The following CACNA2D1 variants were observed in gnomAD, a reference collection of about 807,000 sequenced individuals.
The protein encoded by CACNA2D1 is voltage-dependent calcium channel subunit alpha-2/delta-1.
A neutral mutation model predicts 171.5 loss-of-function variants in CACNA2D1; 53 were observed. The ratio of observed to expected loss-of-function variants is 0.31; its 90% CI spans 0.25 to 0.39. The LOEUF (loss-of-function observed/expected upper bound fraction) is 0.39. Among genes scored for constraint, CACNA2D1 ranks in the 10% least tolerant of loss-of-function variants. CACNA2D1 has a pLI of 1.00. For synonymous variants in CACNA2D1, 442 were observed against 443.1 expected (o/e 1.00, Z 0.03); for missense variants, 903 against 1,299.8 (o/e 0.69, Z 4.69).
At chr7:82,336,306 T>C (rs1817993773) in intron 2 of CACNA2D1, among the ~76,000 whole-genome samples, 1 of 152,208 alleles carries the variant, frequency 6.6e-6, no homozygotes, top group Non-Finnish European at 1.5e-5. Context: ...TGGCTTCAAA[T>C]GGACACAGAT....
At chr7:82,323,219 C>T (rs1816210445) in intron 3 of CACNA2D1, among the ~76,000 whole-genome samples, 2 of 151,766 alleles carry the variant, frequency 1.3e-5, no homozygotes, top group East Asian at 1.9e-4. Context: ...TTAACTAGCA[C>T]ATTCAGATCA....
At chr7:81,998,065 T>A (rs188081717) in intron 18 of CACNA2D1, among the ~76,000 whole-genome samples, 17 of 152,088 alleles carry the variant, frequency 1.1e-4, no homozygotes, top group Admixed American at 1.1e-3. Context: ...TTACCTCATA[T>A]GATATTATTT....
chr7:82,060,863 A>G (rs952458692), intron 9 of CACNA2D1, among the ~76,000 whole-genome samples: 15 of 152,142 alleles, frequency 9.9e-5, no homozygotes, highest in Non-Finnish European at 7.4e-5. Context: ...AGGAGTAGAG[A>G]GATTAATAGA....
chr7:82,076,014 A>T (rs2237507), intron 7 of CACNA2D1, among the ~76,000 whole-genome samples: 57,188 of 151,904 alleles, frequency 0.38, 11,207 homozygotes, highest in Non-Finnish European at 0.43. Context: ...CATATTACCA[A>T]CCTGTTTACC....
In CACNA2D1 at chr7:82,277,750, AT is replaced by A. The variant is rs374936775; in HGVS notation, c.294+57384del. ...TTTGATTTTTTAATTTTTTACTTTT[AT>A]TTTTTTTTTTTTGAGATGGAGTCTC... On this transcript the variant is annotated intron_variant, in intron 3 of 38. Coordinates refer to ENST00000356860, the MANE Select transcript of CACNA2D1 (RefSeq NM_000722.4). Among the ~76,000 whole-genome samples the A allele has an allele frequency of 9.3e-4, 131 of 140,488 alleles. 1 individual carries two copies. Among genetic ancestry groups the A allele is most frequent in the Middle Eastern group, 7.5e-3 (2 of 266 alleles). The allele number at this position is 140,488 out of a possible 152,430, so 92.2% of individuals were successfully genotyped here.
intron 30 of CACNA2D1, 149 bp from the exon 31 acceptor site, chr7:81,967,356 T>C: frequency 1.4e-6 from 1 of 721,178 alleles, no homozygotes; most frequent in Non-Finnish European, 2.4e-6. Context: ...AAAAGTTTTA[T>C]CTTATTAGAC....
In CACNA2D1 at chr7:81,974,462, G is replaced by A. The variant is rs1013044639; in HGVS notation, c.2046C>T (p.Asn682=). ...GAATTAATGCATACTTACATGATGGGTTGTTTGGAGTTTTTCTATCAATAA... is the reference window on the plus strand; with the variant it reads ...GAATTAATGCATACTTACATGATGGATTGTTTGGAGTTTTTCTATCAATAA... The part of the protein sequence containing the change: ...NEFIDRKTPN[N]PSCNADLINR... Residue 682 remains asparagine, a synonymous_variant, in exon 25 of 39, where the codon AAC becomes AAT. Coordinates refer to ENST00000356860, the MANE Select transcript of CACNA2D1 (RefSeq NM_000722.4). 5 of 1,502,046 alleles carry A rather than the reference G, an allele frequency of 3.3e-6. No homozygotes were observed. The highest frequency in any genetic ancestry group is 4.6e-6 in the Non-Finnish European group (5 of 1,080,126). The allele number at this position is 1,502,046 out of a possible 1,614,324, so 93.0% of individuals were successfully genotyped here.
At chr7:81,974,389 C>T (rs912321522) in intron 25 of CACNA2D1, 66 bp downstream of exon 25, 3 of 786,102 alleles carry the variant, frequency 3.8e-6, no homozygotes, top group Non-Finnish European at 6.7e-6. Context: ...ATTATCGTAT[C>T]CTATGATATA....
chr7:82,309,145 C>G (rs1246198787), intron 3 of CACNA2D1, among the ~76,000 whole-genome samples: 1 of 152,114 alleles, frequency 6.6e-6, no homozygotes, highest in Non-Finnish European at 1.5e-5. Flanking sequence ...GTGGCTCATG[C>G]CTGTAATACC....
chr7:82,207,643 C>T (rs573564189), intron 3 of CACNA2D1, among the ~76,000 whole-genome samples: 3 of 152,192 alleles, frequency 2.0e-5, no homozygotes, highest in African/African-American at 4.8e-5. Context: ...CCCTGTGCTA[C>T]GGCCTTAATG....
chr7:82,291,232 A>G (rs563938383), intron 3 of CACNA2D1, among the ~76,000 whole-genome samples: 1 of 141,630 alleles, frequency 7.1e-6, no homozygotes, highest in East Asian at 2.0e-4. Context: ...TATATTTAAA[A>G]TATTCTATAT....
chr7:82,150,257 T>TAAAAAAAAAAAAAAAA (rs565121488), intron 4 of CACNA2D1, among the ~76,000 whole-genome samples: 5 of 92,846 alleles, frequency 5.4e-5, no homozygotes, highest in African/African-American at 1.5e-4. Context: ...TAGATCAAAT[T>TAAAAAAAAAAAAAAAA]AAAAAAAAAA....
At chr7:82,261,949 T>C (rs1022370513) in intron 3 of CACNA2D1, among the ~76,000 whole-genome samples, 1 of 152,242 alleles carries the variant, frequency 6.6e-6, no homozygotes, top group African/African-American at 2.4e-5. Context: ...GAATGTTAAC[T>C]ATTGTTGTTG....
At chr7:82,369,164 C>T (rs1822075177) in intron 1 of CACNA2D1, among the ~76,000 whole-genome samples, 1 of 152,026 alleles carries the variant, frequency 6.6e-6, no homozygotes, top group Non-Finnish European at 1.5e-5. Flanking sequence ...AAGAGTTTTG[C>T]ATTTCATAGT....
At chr7:82,301,979 C>T (rs1173549257) in intron 3 of CACNA2D1, among the ~76,000 whole-genome samples, 2 of 151,930 alleles carry the variant, frequency 1.3e-5, no homozygotes, top group Non-Finnish European at 2.9e-5. Flanking sequence ...AGGCTGGTCT[C>T]GAACTCCTGA....
At chr7:82,316,253 A>G (rs1475821542) in intron 3 of CACNA2D1, among the ~76,000 whole-genome samples, 5 of 152,196 alleles carry the variant, frequency 3.3e-5, no homozygotes, top group Non-Finnish European at 5.9e-5. Flanking sequence ...AACTGACAGG[A>G]CAGAAGTGTT....
At chr7:82,296,880 A>G (rs1461557351) in intron 3 of CACNA2D1, among the ~76,000 whole-genome samples, 3 of 152,050 alleles carry the variant, frequency 2.0e-5, no homozygotes, top group South Asian at 2.1e-4. Flanking sequence ...GTGACTGCCT[A>G]TGTATCTGCA....
chr7:82,079,620 G>A (rs564796850), intron 7 of CACNA2D1, among the ~76,000 whole-genome samples: 2 of 151,550 alleles, frequency 1.3e-5, no homozygotes, highest in Non-Finnish European at 2.9e-5. Flanking sequence ...CGAACCCAGG[G>A]GGCAGAGGTT....
At position 82,060,165 on chromosome 7, in the gene CACNA2D1, A is replaced by ATTAC. The variant is rs377355935; in HGVS notation, c.879+262_879+263insGTAA. The stretch of plus-strand genomic sequence containing the variant: ...TTATATATATGTATTATATATATAT[A>ATTAC]ATATATATATATAATATATATATAT... On this transcript the variant is annotated intron_variant, in intron 10 of 38. Transcript: ENST00000356860. 9.0e-5 allele frequency among the ~76,000 whole-genome samples: 2 copies of ATTAC among 22,198 alleles called. 1 individual carries two copies. Among genetic ancestry groups the ATTAC allele is most frequent in the Non-Finnish European group, 2.6e-4 (2 of 7,730 alleles). The allele number at this position is 22,198 out of a possible 152,430, so 14.6% of individuals were successfully genotyped here.
Sources: allele counts gnomAD v4.1 joint callset (sites outside exome capture counted in the v4.1 genomes callset), GRCh38; gene constraint gnomAD v4.1.1; transcripts MANE v1.5; gene names NCBI Gene and HGNC (gene_info 2026-07-23, HGNC 2026-07-21).